The following WASF3 variants were observed in gnomAD, a reference collection of about 807,000 sequenced individuals.
WASF3 encodes the protein actin-binding protein WASF3.
Under a neutral mutation model 46.6 loss-of-function variants are expected in WASF3, and 11 were observed. The ratio of observed to expected loss-of-function variants is 0.24; its 90% confidence interval spans 0.15 to 0.39. WASF3 has a LOEUF of 0.39. Ranked by LOEUF, WASF3 falls within the 10% of genes least tolerant of loss-of-function variation. The probability of loss-of-function intolerance (pLI) is 1.00; values close to 1 mark genes in which losing one functional copy is unlikely to be tolerated. For synonymous variants in WASF3, 242 were observed against 259.7 expected, an observed-to-expected ratio of 0.93 and a Z score of 0.65; for missense variants, 576 against 669.8, an observed-to-expected ratio of 0.86 and a Z score of 1.55.
intron 3 of WASF3, among the ~76,000 whole-genome samples, chr13:26,643,928 T>C (rs1257928744): frequency 6.6e-6 from 1 of 152,232 alleles, no homozygotes; most frequent in Non-Finnish European, 1.5e-5. Context: ...TCCTTATCCT[T>C]GGAACCTGTG....
intron 2 of WASF3, among the ~76,000 whole-genome samples, chr13:26,628,127 AG>A (rs2137255213): frequency 6.6e-6 from 1 of 152,234 alleles, no homozygotes; most frequent in South Asian, 2.1e-4. Context: ...GGATGTTCAA[AG>A]GGCTGTCAAA....
chr13:26,642,884 C>A (rs552944269), intron 3 of WASF3, among the ~76,000 whole-genome samples: 1 of 152,148 alleles, frequency 6.6e-6, no homozygotes, highest in South Asian at 2.1e-4. Flanking sequence ...TAAAGCCAAA[C>A]AATAGATTTG....
chr13:26,557,583 G>A (rs1448442647), upstream of WASF3: 1 of 156,306 alleles, frequency 6.4e-6, no homozygotes, highest in African/African-American at 2.4e-5. Context: ...CAATCCTGGT[G>A]AAGCGGCCCC....
chr13:26,660,782 G>A (rs904849216), intron 3 of WASF3, among the ~76,000 whole-genome samples: 2 of 152,156 alleles, frequency 1.3e-5, no homozygotes, highest in African/African-American at 2.4e-5. Context: ...TAGCGTCTTT[G>A]TGTGTTGCTG....
At chr13:26,678,142 C>T (rs1203631412) in intron 7 of WASF3, among the ~76,000 whole-genome samples, 2 of 152,048 alleles carry the variant, frequency 1.3e-5, no homozygotes, top group African/African-American at 4.8e-5. Flanking sequence ...TTCAGAATTC[C>T]TTTTGTTGTC....
chr13:26,565,299 A>G (rs1879430123), intron 1 of WASF3, among the ~76,000 whole-genome samples: 1 of 152,148 alleles, frequency 6.6e-6, no homozygotes, highest in Non-Finnish European at 1.5e-5. Flanking sequence ...TTAACCAGAA[A>G]GATGGTAAAG....
At chr13:26,605,129 T>G (rs793639) in intron 1 of WASF3, among the ~76,000 whole-genome samples, 128,369 of 151,992 alleles carry the variant, frequency 0.84, 54,245 homozygotes, top group East Asian at 0.91. Flanking sequence ...CAGTTCTCAG[T>G]CTGCCTTTGA....
At chr13:26,613,936 G>A (rs1881056463) in intron 2 of WASF3, among the ~76,000 whole-genome samples, 1 of 152,174 alleles carries the variant, frequency 6.6e-6, no homozygotes, top group African/African-American at 2.4e-5. Flanking sequence ...GGAGCAATGA[G>A]ACATAGCAGA....
At chr13:26,585,904 C>T (rs1206177098) in intron 1 of WASF3, among the ~76,000 whole-genome samples, 1 of 152,146 alleles carries the variant, frequency 6.6e-6, no homozygotes, top group Middle Eastern at 3.2e-3. Flanking sequence ...CTGTAGAAAA[C>T]TTACCTCATA....
At chr13:26,624,245 C>T (rs1313534800) in intron 2 of WASF3, among the ~76,000 whole-genome samples, 2 of 152,044 alleles carry the variant, frequency 1.3e-5, no homozygotes, top group African/African-American at 4.8e-5. Flanking sequence ...TCTATATCAA[C>T]AGAAATAAGG....
upstream of WASF3, among the ~76,000 whole-genome samples, chr13:26,554,088 C>CT (rs1289008259): frequency 0.021 from 575 of 27,286 alleles, 9 homozygotes; most frequent in Non-Finnish European, 0.025. Flanking sequence ...TCCTTCCTTC[C>CT]TTCCTTCCTT....
intron 9 of WASF3, among the ~76,000 whole-genome samples, chr13:26,684,641 C>T (rs531714104): frequency 2.0e-5 from 3 of 152,068 alleles, no homozygotes; most frequent in South Asian, 4.1e-4. Flanking sequence ...GTGGGCGAGG[C>T]GGGGGCGGTA....
At chr13:26,630,907 C>T (rs1369550269) in intron 2 of WASF3, among the ~76,000 whole-genome samples, 1 of 152,146 alleles carries the variant, frequency 6.6e-6, no homozygotes, top group African/African-American at 2.4e-5. Context: ...TCTCTGATGG[C>T]CAGTGATGAT....
intron 1 of WASF3, among the ~76,000 whole-genome samples, chr13:26,569,468 T>C (rs1879569099): frequency 6.6e-6 from 1 of 152,186 alleles, no homozygotes; most frequent in African/African-American, 2.4e-5. Flanking sequence ...TCAAAGAAGA[T>C]ATTACGGTGA....
intron 1 of WASF3, among the ~76,000 whole-genome samples, chr13:26,608,452 A>G (rs1880869654): frequency 6.6e-6 from 1 of 152,202 alleles, no homozygotes. Context: ...AATGTCAGCT[A>G]ACGTTATTTT....
In WASF3 at chr13:26,585,777, T is replaced by A. The variant is rs150674747; in HGVS notation, c.-108-27184T>A. 4.1e-4 allele frequency among the ~76,000 whole-genome samples: 62 copies of A among 152,166 alleles called. 1 individual carries two copies. The highest frequency in any genetic ancestry group is 1.4e-3 in the African/African-American group (58 of 41,410). Reference sequence around the variant, plus strand: ...AAAAACCTTTTGACTTGTATTGCTTTGCTCTATCTTCTGCTGAAATTAAAC... The same window carrying A: ...AAAAACCTTTTGACTTGTATTGCTTAGCTCTATCTTCTGCTGAAATTAAAC... On this transcript the variant is annotated intron_variant, in intron 1 of 9. Transcript: ENST00000335327.
chr13:26,626,916 T>C (rs948957212), intron 2 of WASF3, among the ~76,000 whole-genome samples: 1 of 152,216 alleles, frequency 6.6e-6, no homozygotes, highest in Non-Finnish European at 1.5e-5. Context: ...ACAATTATTG[T>C]TGACGTCTTC....
chr13:26,609,845 C>CT (rs1220785651), intron 1 of WASF3, among the ~76,000 whole-genome samples: 2 of 152,148 alleles, frequency 1.3e-5, no homozygotes, highest in African/African-American at 4.8e-5. Flanking sequence ...TGCAGTATTT[C>CT]TTTTCCCAGA....
rs1373430487 is a variant in WASF3, at chr13:26,682,945, G to A, written c.1322G>A (p.Arg441Gln). The A allele has an allele frequency of 3.7e-6, 6 of 1,607,534 alleles. No individual in the cohort carries two copies. Among genetic ancestry groups the A allele is most frequent in the African/African-American group, 1.3e-5 (1 of 74,908 alleles). ...EPAQPPISDA[R>Q]SDLLAAIRMG... ...GCACAGCCACCAATCAGTGATGCTC[G>A]AAGCGACCTCCTCGCTGCTATTCGA... is the stretch of plus-strand genomic sequence containing the variant. The change falls in exon 9 of 10, where the codon CGA becomes CAA. Residue 441 changes from arginine to glutamine, a missense_variant. Physicochemically the swap from Arg to Gln is conservative, Grantham distance 43. Around this residue, in one of 3 missense-constraint regions of WASF3, gnomAD observed 68 missense variants for 100.3 expected, o/e 0.68. Coordinates refer to ENST00000335327, the MANE Select transcript of WASF3 (RefSeq NM_006646.6). This position sits in a 1 kb window ranked among gnomAD's most constrained non-coding sequence, Gnocchi z 4.4.
Sources: gnomAD v4.1 joint callset for allele counts (sites outside exome capture counted in the v4.1 genomes callset) on GRCh38, gnomAD v4.1.1 for gene constraint, gnomAD v4.1.1 regional missense constraint, Gnocchi (gnomAD v3.1) non-coding constraint, MANE v1.5 for transcripts, NCBI Gene and HGNC (gene_info 2026-07-23, HGNC 2026-07-21) for gene names.